Variants in GRID2 observed in about 807,000 individuals in gnomAD.
The protein encoded by GRID2 is glutamate ionotropic receptor delta type subunit 2, also known as glutamate receptor ionotropic, delta-2.
GRID2 carries 33 observed loss-of-function variants against 114.8 expected under a neutral mutation model. That is an observed-to-expected ratio of 0.29 (90% CI 0.22 to 0.38). The LOEUF is 0.38. Among genes scored for constraint, GRID2 ranks in the 10% least tolerant of loss-of-function variants. GRID2 has a pLI of 1.00. For synonymous variants in GRID2, 505 were observed against 449.9 expected (o/e 1.12, Z -1.55); for missense variants, 1,184 against 1,257.7 (o/e 0.94, Z 0.89).
chr4:93,716,774 C>T (rs1200930367), intron 14 of GRID2, among the ~76,000 whole-genome samples: 19 of 152,032 alleles, frequency 1.2e-4, no homozygotes, highest in Admixed American at 9.8e-4. Flanking sequence ...TATATCTACT[C>T]AATTTCTTTT....
intron 13 of GRID2, among the ~76,000 whole-genome samples, chr4:93,545,510 G>A (rs1343855281): frequency 2.6e-5 from 4 of 152,298 alleles, no homozygotes; most frequent in Admixed American, 2.6e-4. Flanking sequence ...TGAAGTTGAA[G>A]AGGTAGACAA....
rs146581814 is a variant in GRID2, at chr4:92,928,276, G to T, written c.245-156719G>T. ...TGGAAACTTATTTACAGAGTAAAAA[G>T]TAGAGGGCTGGAATTGTGTGCATCC... On this transcript the variant is annotated intron_variant, in intron 2 of 15. Transcript: ENST00000282020. Among the ~76,000 whole-genome samples the T allele has an allele frequency of 4.8e-4, 73 of 151,832 alleles. No homozygotes were observed. The East Asian group carries it at 0.012, about 25-fold the overall frequency.
chr4:93,025,206 T>G (rs949841007), intron 2 of GRID2, among the ~76,000 whole-genome samples: 2 of 151,666 alleles, frequency 1.3e-5, no homozygotes, highest in Non-Finnish European at 3.0e-5. Flanking sequence ...CAAATGTGTT[T>G]GGAAACATTT....
Position 92,388,054 on chromosome 4 carries a change from T to C in GRID2, c.88+83310T>C, listed in dbSNP as rs187891382. 2.7e-3 allele frequency among the ~76,000 whole-genome samples: 404 copies of C among 152,176 alleles called. 1 individual carries two copies. The highest frequency in any genetic ancestry group is 4.4e-3 in the Non-Finnish European group (296 of 67,962). ...ATTTCTAAAATTTTTGTTACCGTTGTTGGACATAATATTTTACATTTCCTA... is the reference window on the plus strand; with the variant it reads ...ATTTCTAAAATTTTTGTTACCGTTGCTGGACATAATATTTTACATTTCCTA... On this transcript the variant is annotated intron_variant, in intron 1 of 15. Transcript: ENST00000282020.
chr4:92,558,546 TTTC>T, intron 1 of GRID2, among the ~76,000 whole-genome samples: 1 of 152,198 alleles, frequency 6.6e-6, no homozygotes, highest in East Asian at 1.9e-4. Context: ...AATATAATCC[TTTC>T]TTCAAGTCCC....
At chr4:93,248,338 C>G (rs980714686) in intron 8 of GRID2, among the ~76,000 whole-genome samples, 1 of 152,122 alleles carries the variant, frequency 6.6e-6, no homozygotes, top group Non-Finnish European at 1.5e-5. Context: ...TTTTAAGTGA[C>G]AGATAGTGAA....
chr4:93,023,988 G>C (rs1056660188), intron 2 of GRID2, among the ~76,000 whole-genome samples: 4 of 151,706 alleles, frequency 2.6e-5, no homozygotes, highest in Non-Finnish European at 5.9e-5. Flanking sequence ...CTAGCCCATT[G>C]TTGAGCAGGA....
chr4:93,647,509 G>C lies in GRID2; in HGVS notation c.2360+21074G>C, dbSNP rs142575617. Among the ~76,000 whole-genome samples the C allele has an allele frequency of 5.4e-3, 825 of 152,312 alleles. 8 individuals are homozygous for C. Among genetic ancestry groups the C allele is most frequent in the African/African-American group, 0.019 (806 of 41,562 alleles). On this transcript the variant is annotated intron_variant, in intron 14 of 15. Transcript: ENST00000282020. ...CAGAAGTGTCCTGTCCACAGGGACA[G>C]AGGTAATATAGTTCCTTGTTCTCAT...
chr4:92,441,336 C>A (rs534782178), intron 1 of GRID2, among the ~76,000 whole-genome samples: 1 of 152,114 alleles, frequency 6.6e-6, no homozygotes, highest in Admixed American at 6.5e-5. Flanking sequence ...TGAAGCTTTG[C>A]AGCAGTACAG....
intron 1 of GRID2, among the ~76,000 whole-genome samples, chr4:92,528,661 T>C (rs1007645845): frequency 3.3e-5 from 5 of 151,910 alleles, no homozygotes; most frequent in Non-Finnish European, 7.4e-5. Context: ...AGGCAGAGCA[T>C]ACATACATGC....
chr4:92,453,168 G>A lies in GRID2; in HGVS notation c.89-136963G>A, dbSNP rs1277971815. Reference sequence around the variant, plus strand: ...AATGCCTGTGAAAGAAGAAGGAGAGGGAAATAAAGGAGGCAGGAAGAACCA... The same window carrying A: ...AATGCCTGTGAAAGAAGAAGGAGAGAGAAATAAAGGAGGCAGGAAGAACCA... On this transcript the variant is annotated intron_variant, in intron 1 of 15. Coordinates refer to ENST00000282020, the MANE Select transcript of GRID2 (RefSeq NM_001510.4). 5.9e-5 allele frequency among the ~76,000 whole-genome samples: 9 copies of A among 151,936 alleles called. No homozygotes were observed. The East Asian group carries it at 1.7e-3, about 29-fold the overall frequency.
rs375642072 is a variant in GRID2 at position 92,723,417 on chromosome 4, G to T, written c.244+133131G>T. On this transcript the variant is annotated intron_variant, in intron 2 of 15. Transcript: ENST00000282020. Reference sequence around the variant, plus strand: ...GATGACAGTATATGTTGTAAGAGTTGTGTAATGTATCAGCATTTGAACAAG... The same window carrying T: ...GATGACAGTATATGTTGTAAGAGTTTTGTAATGTATCAGCATTTGAACAAG... Among the ~76,000 whole-genome samples, 4 of 152,238 alleles carry T rather than the reference G, an allele frequency of 2.6e-5. No individual in the cohort carries two copies. In the East Asian group the frequency reaches 7.7e-4, roughly 29 times the overall value.
intron 1 of GRID2, among the ~76,000 whole-genome samples, chr4:92,368,122 G>A (rs1474512252): frequency 1.3e-5 from 2 of 152,116 alleles, no homozygotes; most frequent in Non-Finnish European, 2.9e-5. Flanking sequence ...AAGTATGGGT[G>A]CGGGTCTCAG....
intron 2 of GRID2, among the ~76,000 whole-genome samples, chr4:92,961,739 G>A (rs924096128): frequency 6.6e-6 from 1 of 150,420 alleles, no homozygotes; most frequent in African/African-American, 2.4e-5. Context: ...TCTTGGTCGT[G>A]GGTGATTCAA....
At chr4:93,281,579 A>G (rs757044289) in intron 8 of GRID2, among the ~76,000 whole-genome samples, 25 of 152,168 alleles carry the variant, frequency 1.6e-4, no homozygotes, top group Admixed American at 3.3e-4. Context: ...TGCCAGTGCA[A>G]TTCACATAAT....
chr4:93,176,423 A>G (rs139978915), intron 4 of GRID2, among the ~76,000 whole-genome samples: 2 of 152,316 alleles, frequency 1.3e-5, no homozygotes, highest in Non-Finnish European at 2.9e-5. Flanking sequence ...CAGTAAAAGA[A>G]GTCTTATCAA....
chr4:92,872,861 G>A (rs1025170264), intron 2 of GRID2, among the ~76,000 whole-genome samples: 1 of 152,172 alleles, frequency 6.6e-6, no homozygotes, highest in Non-Finnish European at 1.5e-5. Context: ...CAGGATTTAT[G>A]GTCAAAGCTG....
intron 11 of GRID2, among the ~76,000 whole-genome samples, chr4:93,479,944 T>C (rs1725687106): frequency 6.6e-6 from 1 of 152,090 alleles, no homozygotes; most frequent in South Asian, 2.1e-4. Flanking sequence ...ATTTTTTCAA[T>C]AAATCATGTT....
chr4:93,761,056 T>A (rs575003562), intron 14 of GRID2, among the ~76,000 whole-genome samples: 1 of 152,304 alleles, frequency 6.6e-6, no homozygotes, highest in Non-Finnish European at 1.5e-5. Flanking sequence ...CAAAATTCAC[T>A]TGAAGGATTA....
Sources: gnomAD v4.1 joint callset for allele counts (sites outside exome capture counted in the v4.1 genomes callset) on GRCh38, gnomAD v4.1.1 for gene constraint, MANE v1.5 for transcripts, NCBI Gene and HGNC (gene_info 2026-07-23, HGNC 2026-07-21) for gene names.